UGT2A3: variants seen among roughly 807,000 people sequenced by gnomAD.
UGT2A3 encodes UDP glucuronosyltransferase family 2 member A3, also known as UDP-glucuronosyltransferase 2A3.
A neutral mutation model predicts 44.1 loss-of-function variants in UGT2A3; 55 were observed. That is an observed-to-expected ratio of 1.25 (90% CI 1.00 to 1.56). The LOEUF (loss-of-function observed/expected upper bound fraction) is 1.56, where lower values mean the gene tolerates loss of function less well. Ranked by LOEUF, UGT2A3 falls within the 40% of genes most tolerant of loss-of-function variation. UGT2A3 has a pLI of 0.00. For synonymous variants in UGT2A3, 243 were observed against 215.1 expected (o/e 1.13, Z -1.13); for missense variants, 733 against 621.6 (o/e 1.18, Z -1.91).
intron 2 of UGT2A3, chr4:68,943,376 T>C: frequency 8.1e-7 from 1 of 1,234,778 alleles, no homozygotes; most frequent in South Asian, 1.4e-5. Context: ...TGGTATAACT[T>C]TCCTGGTAAG....
chr4:68,948,225 C>T (rs1385255209), intron 1 of UGT2A3, among the ~76,000 whole-genome samples: 1 of 151,748 alleles, frequency 6.6e-6, no homozygotes, highest in Non-Finnish European at 1.5e-5. Context: ...CCTATTGCTT[C>T]ACATTGAACT....
intron 2 of UGT2A3, among the ~76,000 whole-genome samples, chr4:68,942,952 T>G (rs1238165792): frequency 6.6e-6 from 1 of 151,786 alleles, no homozygotes; most frequent in Non-Finnish European, 1.5e-5. Flanking sequence ...GATGATGGGT[T>G]TATTATCTTG....
At position 68,951,192 on chromosome 4, in the gene UGT2A3, G is replaced by A. The variant is rs748994972; in HGVS notation, c.569C>T (p.Ser190Phe). 3 of 1,612,056 alleles carry A rather than the reference G, an allele frequency of 1.9e-6. No individual in the cohort carries two copies. Among genetic ancestry groups the A allele is most frequent in the Non-Finnish European group, 2.5e-6 (3 of 1,178,992 alleles). ...TCCTGTCATAGGCACAGGTACATAG[G>A]AAAGTGGAGCTGGAAGTTTCCCACA... ...RSCGKLPAPL[S>F]YVPVPMTGLT... Residue 190 changes from serine to phenylalanine, a missense_variant, in exon 1 of 6, where the codon TCC (serine) becomes TTC (phenylalanine). Coordinates refer to ENST00000251566, the MANE Select transcript of UGT2A3 (RefSeq NM_024743.4).
At chr4:68,938,406 C>G (rs1014668711) in intron 2 of UGT2A3, among the ~76,000 whole-genome samples, 11 of 152,020 alleles carry the variant, frequency 7.2e-5, no homozygotes, top group African/African-American at 2.7e-4. Context: ...TCAACATCCA[C>G]AAATCAATAA....
At chr4:68,938,270 C>T (rs1718031862) in intron 2 of UGT2A3, among the ~76,000 whole-genome samples, 1 of 152,044 alleles carries the variant, frequency 6.6e-6, no homozygotes, top group Non-Finnish European at 1.5e-5. Context: ...GAATTTTAGA[C>T]CAATATCTCT....
Position 68,931,211 on chromosome 4 carries a change from G to T in UGT2A3, c.1028C>A (p.Ser343Tyr), listed in dbSNP as rs369458885. 6.2e-7 allele frequency: 1 copy of T among 1,612,880 alleles called. No individual in the cohort carries two copies. The highest frequency in any genetic ancestry group is 8.5e-7 in the Non-Finnish European group (1 of 1,179,328). The change falls in exon 4 of 6, where the codon TCC (serine) becomes TAC (tyrosine). Residue 343 changes from serine to tyrosine, a missense_variant. By Grantham distance (144) the Ser-to-Tyr change is moderately radical. Coordinates refer to ENST00000251566, the MANE Select transcript of UGT2A3 (RefSeq NM_024743.4). The stretch of plus-strand genomic sequence containing the variant: ...CAGCCGAGTATTGGCTCCTAATGTG[G>T]ATGGTTTTTTTCCTTTGTACCTCCA... ...VLWRYKGKKP[S>Y]TLGANTRLYD...
chr4:68,935,640 A>C (rs765417089), intron 2 of UGT2A3, among the ~76,000 whole-genome samples: 1 of 152,094 alleles, frequency 6.6e-6, no homozygotes, highest in Admixed American at 6.6e-5. Context: ...TCTAAAAAGC[A>C]GAGCGCCACT....
At chr4:68,949,231 C>G (rs1405583091) in intron 1 of UGT2A3, among the ~76,000 whole-genome samples, 4 of 151,802 alleles carry the variant, frequency 2.6e-5, no homozygotes, top group Non-Finnish European at 5.9e-5. Context: ...CTATAGTACT[C>G]ATTAAACTTA....
chr4:68,942,518 T>TAC (rs1446842150), intron 2 of UGT2A3, among the ~76,000 whole-genome samples: 8,327 of 20,964 alleles, frequency 0.4, 810 homozygotes, highest in African/African-American at 0.47. Context: ...TATATATATA[T>TAC]ATATATATAT....
intron 2 of UGT2A3, among the ~76,000 whole-genome samples, chr4:68,944,657 C>T (rs1338860491): frequency 6.6e-6 from 1 of 151,644 alleles, no homozygotes; most frequent in Non-Finnish European, 1.5e-5. Flanking sequence ...GATTTCTGTC[C>T]ACAGAGGTTG....
At chr4:68,934,187 C>G (rs2109779847) in intron 2 of UGT2A3, among the ~76,000 whole-genome samples, 1 of 151,768 alleles carries the variant, frequency 6.6e-6, no homozygotes, top group East Asian at 1.9e-4. Flanking sequence ...ATCACATAAA[C>G]TATAAATAAA....
chr4:68,948,843 G>A (rs1454120017), intron 1 of UGT2A3, among the ~76,000 whole-genome samples: 1 of 151,722 alleles, frequency 6.6e-6, no homozygotes, highest in African/African-American at 2.4e-5. Flanking sequence ...TGTCTAATTT[G>A]TAAAAGAAAA....
chr4:68,932,580 G>T (rs764155257), intron 3 of UGT2A3, 48 bp downstream of exon 3: 1 of 1,566,252 alleles, frequency 6.4e-7, no homozygotes, highest in African/African-American at 1.4e-5. Context: ...AAACCATACT[G>T]TTTCATTATG....
At chr4:68,931,088 C>T in intron 4 of UGT2A3, 67 bp downstream of exon 4, 2 of 1,263,436 alleles carry the variant, frequency 1.6e-6, no homozygotes, top group South Asian at 1.4e-5. Context: ...GCTGAATTTG[C>T]TTGCTGTTTA....
rs200913424 is a variant in UGT2A3 at position 68,930,043 on chromosome 4, C to T, written c.1354G>A (p.Val452Ile). The change falls in exon 6 of 6, where the codon GTA becomes ATA. Residue 452 changes from valine (V) to isoleucine (I), a missense_variant. Transcript: ENST00000251566. Reference protein sequence around the residue: ...RLSRIHHDQPVKPLDRAVFWI... With the variant: ...RLSRIHHDQPIKPLDRAVFWI... Reference sequence around the variant, plus strand: ...AAGACTGCTCGATCTAGGGGCTTTACAGGTTGATCATGGTGAATTCTTGAT... The same window carrying T: ...AAGACTGCTCGATCTAGGGGCTTTATAGGTTGATCATGGTGAATTCTTGAT... The T allele has an allele frequency of 1.0e-4, 165 of 1,613,156 alleles. No individual in the cohort carries two copies. Among genetic ancestry groups the T allele is most frequent in the Middle Eastern group, 1.7e-4 (1 of 5,914 alleles).
chr4:68,941,807 T>C (rs1027095771), intron 2 of UGT2A3, among the ~76,000 whole-genome samples: 2 of 151,810 alleles, frequency 1.3e-5, no homozygotes, highest in Non-Finnish European at 2.9e-5. Context: ...ACTAATTTGA[T>C]TAAAAAATAA....
rs1419085177 is a variant in UGT2A3, at chr4:68,951,084, T to C, written c.677A>G (p.Asp226Gly). The C allele has an allele frequency of 6.2e-7, 1 of 1,605,646 alleles. No homozygotes were observed. The highest frequency in any genetic ancestry group is 8.5e-7 in the Non-Finnish European group (1 of 1,176,790). ...VLFHFWIQDY[D>G]YHFWEEFYSK... ...ATAAAACTCTTCCCAAAAATGATAGTCGTAATCCTGAATCCAGAAGTGGAA... is the reference window on the plus strand; with the variant it reads ...ATAAAACTCTTCCCAAAAATGATAGCCGTAATCCTGAATCCAGAAGTGGAA... Residue 226 changes from aspartate to glycine, a missense_variant, in exon 1 of 6, where the codon GAC (aspartate) becomes GGC (glycine). Physicochemically the swap from Asp to Gly is moderately conservative, Grantham distance 94. Coordinates refer to ENST00000251566, the MANE Select transcript of UGT2A3 (RefSeq NM_024743.4).
intron 1 of UGT2A3, among the ~76,000 whole-genome samples, chr4:68,946,650 C>T (rs996454563): frequency 6.6e-6 from 1 of 151,662 alleles, no homozygotes; most frequent in Admixed American, 6.6e-5. Context: ...AGGATAAATA[C>T]ACAGTAACAA....
intron 2 of UGT2A3, among the ~76,000 whole-genome samples, chr4:68,940,293 C>A (rs1409179613): frequency 6.6e-6 from 1 of 152,060 alleles, no homozygotes; most frequent in East Asian, 1.9e-4. Flanking sequence ...GACTTGGAAC[C>A]AACCCAAATG....
Sources: gnomAD v4.1 joint callset for allele counts (sites outside exome capture counted in the v4.1 genomes callset) on GRCh38, gnomAD v4.1.1 for gene constraint, MANE v1.5 for transcripts, NCBI Gene and HGNC (gene_info 2026-07-23, HGNC 2026-07-21) for gene names.